DIP2B: variants seen among roughly 807,000 people sequenced by gnomAD.
DIP2B encodes DIP2 acetate--CoA ligase B (putative).
A neutral mutation model predicts 198.0 loss-of-function variants in DIP2B; 76 were observed. The ratio of observed to expected loss-of-function variants is 0.38; its 90% CI spans 0.32 to 0.46. The LOEUF (loss-of-function observed/expected upper bound fraction) is 0.46, where lower values mean the gene tolerates loss of function less well. Ranked by LOEUF, DIP2B falls within the 20% of genes least tolerant of loss-of-function variation. The pLI is 0.99. For missense variants in DIP2B, 1,559 were observed against 1,978.4 expected, an observed-to-expected ratio of 0.79 and a Z score of 4.02; for synonymous variants, 701 against 739.1, an observed-to-expected ratio of 0.95 and a Z score of 0.84.
At chr12:50,698,561 C>T in intron 18 of DIP2B, 94 bp downstream of exon 18, 1 of 1,455,252 alleles carries the variant, frequency 6.9e-7, no homozygotes, top group Non-Finnish European at 9.2e-7. Context: ...ACGAGGAACC[C>T]TTAATTCAGT....
intron 35 of DIP2B, among the ~76,000 whole-genome samples, chr12:50,737,553 A>G (rs1337542548): frequency 1.3e-5 from 2 of 151,824 alleles, no homozygotes; most frequent in Non-Finnish European, 2.9e-5. Context: ...ATTTGTATAT[A>G]AGTATATAAA....
intron 1 of DIP2B, among the ~76,000 whole-genome samples, chr12:50,519,996 T>A (rs2139350700): frequency 6.6e-6 from 1 of 150,642 alleles, no homozygotes; most frequent in African/African-American, 2.4e-5. Context: ...CAGATATGAA[T>A]AAATTTTATA....
chr12:50,742,048 A>C (rs915122533), intron 37 of DIP2B, among the ~76,000 whole-genome samples: 28 of 152,004 alleles, frequency 1.8e-4, no homozygotes, highest in Admixed American at 3.3e-4. Context: ...TTCCCCCTAC[A>C]TTTTCCCTGA....
At chr12:50,668,687 C>A (rs1462740910) in intron 4 of DIP2B, among the ~76,000 whole-genome samples, 1 of 152,114 alleles carries the variant, frequency 6.6e-6, no homozygotes, top group African/African-American at 2.4e-5. Context: ...ACAATAAAAG[C>A]AGCCCACAAA....
chr12:50,626,074 T>C lies in DIP2B; in HGVS notation c.172+27T>C, dbSNP rs780964556. On this transcript the variant is annotated intron_variant, in intron 2 of 37. Transcript: ENST00000301180. ...TAGGCAATAAAAAATGGTTTCAACT[T>C]TTTCAGTATTTTTACACCAAAAGAT... is the stretch of plus-strand genomic sequence containing the variant. 2.9e-5 allele frequency: 46 copies of C among 1,606,728 alleles called. No individual in the cohort carries two copies. The Admixed American group carries it at 7.5e-4, about 26-fold the overall frequency.
intron 2 of DIP2B, among the ~76,000 whole-genome samples, chr12:50,636,422 T>C (rs1226904994): frequency 6.6e-6 from 1 of 152,234 alleles, no homozygotes; most frequent in East Asian, 1.9e-4. Flanking sequence ...CACTATGAAT[T>C]GGAGCACACA....
intron 4 of DIP2B, among the ~76,000 whole-genome samples, chr12:50,663,063 C>T (rs1213768044): frequency 6.6e-6 from 1 of 152,174 alleles, no homozygotes; most frequent in East Asian, 1.9e-4. Context: ...GAGCCGAGAT[C>T]GCGCCATTCA....
At chr12:50,566,971 C>CAAAAA (rs34854416) in intron 1 of DIP2B, among the ~76,000 whole-genome samples, 64 of 77,642 alleles carry the variant, frequency 8.2e-4, no homozygotes, top group East Asian at 1.2e-3. Context: ...GACTCCGTCT[C>CAAAAA]AAAAAAAAAA....
chr12:50,562,332 G>A (rs565526160), intron 1 of DIP2B, among the ~76,000 whole-genome samples: 5 of 152,112 alleles, frequency 3.3e-5, no homozygotes, highest in African/African-American at 7.2e-5. Context: ...GGTCTCTTCC[G>A]TATATAGGGT....
chr12:50,725,726 G>A (rs1939920701), intron 28 of DIP2B, among the ~76,000 whole-genome samples: 3 of 152,240 alleles, frequency 2.0e-5, no homozygotes, highest in South Asian at 4.1e-4. Context: ...AACCCTGTAA[G>A]TTGCTATTTT....
chr12:50,683,317 T>C, intron 10 of DIP2B, 69 bp downstream of exon 10: 1 of 1,313,012 alleles, frequency 7.6e-7, no homozygotes, highest in Non-Finnish European at 1.1e-6. Flanking sequence ...CTTGGATAGA[T>C]GTAGTCACAA....
At chr12:50,619,889 C>G in intron 1 of DIP2B, among the ~76,000 whole-genome samples, 1 of 151,890 alleles carries the variant, frequency 6.6e-6, no homozygotes, top group East Asian at 1.9e-4. Flanking sequence ...ACCCTTGTCT[C>G]TATAAAAAAA....
chr12:50,513,179 G>C (rs769103045), intron 1 of DIP2B, among the ~76,000 whole-genome samples: 1 of 152,200 alleles, frequency 6.6e-6, no homozygotes, highest in Non-Finnish European at 1.5e-5. Context: ...TTAATATCTT[G>C]TGTTACTTAG....
intron 19 of DIP2B, among the ~76,000 whole-genome samples, chr12:50,700,724 A>G (rs1269830965): frequency 6.6e-6 from 1 of 152,204 alleles, no homozygotes; most frequent in Non-Finnish European, 1.5e-5. Flanking sequence ...CCCAGCCTTC[A>G]AAAGCTGTGT....
At chr12:50,616,609 C>T (rs1251011333) in intron 1 of DIP2B, among the ~76,000 whole-genome samples, 1 of 152,144 alleles carries the variant, frequency 6.6e-6, no homozygotes, top group Non-Finnish European at 1.5e-5. Flanking sequence ...CTGTTGGACA[C>T]TTTCAGTAAG....
At chr12:50,743,870 G>A (rs941826898) in intron 37 of DIP2B, among the ~76,000 whole-genome samples, 3 of 152,168 alleles carry the variant, frequency 2.0e-5, no homozygotes, top group African/African-American at 7.2e-5. Flanking sequence ...AATCACTGTC[G>A]CCTTACTTTC....
At chr12:50,623,546 C>T (rs1937870487) in intron 1 of DIP2B, among the ~76,000 whole-genome samples, 1 of 151,508 alleles carries the variant, frequency 6.6e-6, no homozygotes, top group South Asian at 2.1e-4. Flanking sequence ...CACACACACA[C>T]ACTCTCACTC....
chr12:50,660,083 C>G lies in DIP2B; in HGVS notation c.302-111C>G, dbSNP rs17124832. ...ATAAATAAAAATCATCTGAACGTCCCCTTTACCTTTTTTTTTTTTTTTAAA... is the reference window on the plus strand; with the variant it reads ...ATAAATAAAAATCATCTGAACGTCCGCTTTACCTTTTTTTTTTTTTTTAAA... On this transcript the variant is annotated intron_variant, in intron 3 of 37. Coordinates refer to ENST00000301180, the MANE Select transcript of DIP2B (RefSeq NM_173602.3). The G allele has an allele frequency of 2.3e-3, 2,396 of 1,064,456 alleles. 47 individuals carry two copies. In the African/African-American group the frequency reaches 0.036, roughly 16 times the overall value. The allele number at this position is 1,064,456 out of a possible 1,614,324, so 65.9% of individuals were successfully genotyped here.
At chr12:50,682,716 C>G (rs943294412) in intron 9 of DIP2B, among the ~76,000 whole-genome samples, 4 of 150,554 alleles carry the variant, frequency 2.7e-5, no homozygotes, top group African/African-American at 7.3e-5. Context: ...TGTAGGCTCT[C>G]TCTGAGAGAT....
Sources: allele counts gnomAD v4.1 joint callset (sites outside exome capture counted in the v4.1 genomes callset), GRCh38; gene constraint gnomAD v4.1.1; transcripts MANE v1.5; gene names NCBI Gene and HGNC (gene_info 2026-07-23, HGNC 2026-07-21).